BMP7: variants seen among roughly 807,000 people sequenced by gnomAD.
BMP7 encodes the protein bone morphogenetic protein 7.
BMP7 carries 12 observed loss-of-function variants against 41.2 expected under a neutral mutation model. That is an observed-to-expected ratio of 0.29 (90% CI 0.19 to 0.47). BMP7 has a LOEUF of 0.47. Ranked by LOEUF, BMP7 falls within the 20% of genes least tolerant of loss-of-function variation. The probability of loss-of-function intolerance (pLI) is 0.99; values close to 1 mark genes in which losing one functional copy is unlikely to be tolerated. For missense variants in BMP7, 467 were observed against 606.0 expected (o/e 0.77, Z 2.41); for synonymous variants, 248 against 250.0 (o/e 0.99, Z 0.07).
In BMP7 at chr20:57,170,657, G is replaced by A. The variant is rs1466970699; in HGVS notation, c.*302C>T. On this transcript the variant is annotated 3_prime_UTR_variant, in exon 7 of 7. Coordinates refer to ENST00000395863, the MANE Select transcript of BMP7 (RefSeq NM_001719.3). ...CATAATTACCTCTGGAAACGAGTCC[G>A]TGCATGGCTGAGACTTCCCAGCCAA... is the stretch of plus-strand genomic sequence containing the variant. 6 of 388,042 alleles carry A rather than the reference G, an allele frequency of 1.5e-5. No individual in the cohort carries two copies. The highest frequency in any genetic ancestry group is 1.5e-4 in the Admixed American group (4 of 27,326). The allele number at this position is 388,042 out of a possible 1,614,324, so 24.0% of individuals were successfully genotyped here. A position where few individuals can be genotyped will look rare whatever the true frequency, so the allele number is the denominator to read the frequency against.
At chr20:57,188,989 C>T (rs1010655589) in intron 3 of BMP7, among the ~76,000 whole-genome samples, 4 of 152,228 alleles carry the variant, frequency 2.6e-5, no homozygotes, top group Admixed American at 6.5e-5. Context: ...GCCTCCCTTC[C>T]GTCTGGGTTT....
chr20:57,233,968 T>C (rs2066038243), intron 1 of BMP7, among the ~76,000 whole-genome samples: 1 of 152,238 alleles, frequency 6.6e-6, no homozygotes, highest in African/African-American at 2.4e-5. Flanking sequence ...GATATATTTC[T>C]CCTGCTTCCT....
At chr20:57,210,552 C>G (rs1984854994) in intron 2 of BMP7, among the ~76,000 whole-genome samples, 1 of 152,216 alleles carries the variant, frequency 6.6e-6, no homozygotes, top group Non-Finnish European at 1.5e-5. Flanking sequence ...GATGCAGGAC[C>G]CGGCCTCAGC....
intron 1 of BMP7, among the ~76,000 whole-genome samples, chr20:57,246,779 G>A (rs1007849988): frequency 1.3e-5 from 2 of 152,092 alleles, no homozygotes; most frequent in Non-Finnish European, 2.9e-5. Context: ...ACCTGAGGTT[G>A]GGAGTTCAAG....
chr20:57,258,770 C>T (rs1243804613), intron 1 of BMP7, among the ~76,000 whole-genome samples: 2 of 152,176 alleles, frequency 1.3e-5, no homozygotes, highest in Non-Finnish European at 2.9e-5. Context: ...TATTCACACT[C>T]TGGGGACCAT....
At chr20:57,184,130 C>A (rs767466187) in intron 3 of BMP7, among the ~76,000 whole-genome samples, 1 of 152,154 alleles carries the variant, frequency 6.6e-6, no homozygotes, top group Non-Finnish European at 1.5e-5. Context: ...ATCCTGTTCT[C>A]TGGGTTTCCA....
chr20:57,219,571 G>A (rs921435545), intron 2 of BMP7, among the ~76,000 whole-genome samples: 13 of 152,148 alleles, frequency 8.5e-5, no homozygotes, highest in African/African-American at 2.9e-4. Flanking sequence ...ACTATGCCCA[G>A]GATGGCCCTT....
At chr20:57,191,296 A>G (rs572560389) in intron 3 of BMP7, among the ~76,000 whole-genome samples, 11 of 152,280 alleles carry the variant, frequency 7.2e-5, no homozygotes, top group African/African-American at 1.7e-4. Context: ...GGGGTGCTCC[A>G]GAGGCAAGAC....
chr20:57,170,431 A>C lies in BMP7; in HGVS notation c.*528T>G, dbSNP rs575149331. ...CACTTGACACAGCTTCTGTTTACGC[A>C]TCAGGATAAACCGAGAAATGGGGAT... is the stretch of plus-strand genomic sequence containing the variant. On this transcript the variant is annotated 3_prime_UTR_variant, in exon 7 of 7. Transcript: ENST00000395863. 279 of 222,038 alleles carry C rather than the reference A, an allele frequency of 1.3e-3. No homozygotes were observed. Among genetic ancestry groups the C allele is most frequent in the Non-Finnish European group, 2.1e-3 (236 of 110,676 alleles). 13.8% of individuals were successfully genotyped at this position (222,038 alleles called of 1,614,324 possible). A position where few individuals can be genotyped will look rare whatever the true frequency, so the allele number is the denominator to read the frequency against.
rs886188009 is a variant in BMP7 at position 57,171,363 on chromosome 20, G to A, written c.1147-255C>T. On this transcript the variant is annotated intron_variant, in intron 6 of 6. Transcript: ENST00000395863. The surrounding 1 kb of genome is among the most constrained non-coding windows in gnomAD (Gnocchi z 4.5). ...AGTGGGGAAGGAAGGGGCCAGATCC[G>A]ACATTCAGGACCAGGTAATTCTCTG... Among the ~76,000 whole-genome samples, 2 of 152,186 alleles carry A rather than the reference G, an allele frequency of 1.3e-5. No homozygotes were observed. The highest frequency in any genetic ancestry group is 6.5e-5 in the Admixed American group (1 of 15,284).
At chr20:57,233,465 GC>G (rs977536684) in intron 1 of BMP7, among the ~76,000 whole-genome samples, 1 of 152,216 alleles carries the variant, frequency 6.6e-6, no homozygotes, top group Non-Finnish European at 1.5e-5. Flanking sequence ...CCCAAAACCA[GC>G]CCTAAGAGGG....
Position 57,171,240 on chromosome 20 carries a change from A to G in BMP7, c.1147-132T>C, listed in dbSNP as rs987461716. 3.8e-6 allele frequency: 5 copies of G among 1,308,902 alleles called. No homozygotes were observed. The Admixed American group carries it at 5.8e-5, about 15-fold the overall frequency. The allele number at this position is 1,308,902 out of a possible 1,614,324, so 81.1% of individuals were successfully genotyped here. A position where few individuals can be genotyped will look rare whatever the true frequency, so the allele number is the denominator to read the frequency against. ...GCAGGTGACACTCCCCAAGCCAAGC[A>G]CTCCCTGTTCTAAGCACTTTACATG... On this transcript the variant is annotated intron_variant, in intron 6 of 6. Transcript: ENST00000395863. This position sits in a 1 kb window ranked among gnomAD's most constrained non-coding sequence, Gnocchi z 4.5.
chr20:57,258,933 G>C (rs2066144033), intron 1 of BMP7, among the ~76,000 whole-genome samples: 1 of 152,128 alleles, frequency 6.6e-6, no homozygotes, highest in South Asian at 2.1e-4. Flanking sequence ...CACCTACTAG[G>C]TGACAGCCTC....
At chr20:57,249,513 C>G (rs1269600332) in intron 1 of BMP7, among the ~76,000 whole-genome samples, 1 of 152,102 alleles carries the variant, frequency 6.6e-6, no homozygotes, top group Non-Finnish European at 1.5e-5. Context: ...TTTAGCCTAC[C>G]CCTGATGCAG....
At chr20:57,255,794 C>CT (rs1315521664) in intron 1 of BMP7, among the ~76,000 whole-genome samples, 4 of 69,288 alleles carry the variant, frequency 5.8e-5, no homozygotes, top group Non-Finnish European at 7.1e-5. Flanking sequence ...CGAGAGACTC[C>CT]ATCTCAAAAA....
chr20:57,241,727 G>C (rs562676831), intron 1 of BMP7, among the ~76,000 whole-genome samples: 77 of 152,296 alleles, frequency 5.1e-4, no homozygotes, highest in African/African-American at 1.8e-3. Context: ...CATGAGCCCT[G>C]AGCCTGCAGC....
At chr20:57,242,158 C>T (rs1489977010) in intron 1 of BMP7, among the ~76,000 whole-genome samples, 2 of 152,174 alleles carry the variant, frequency 1.3e-5, no homozygotes, top group Non-Finnish European at 2.9e-5. Context: ...TTTGTCCTCC[C>T]CTCACTCCCA....
At chr20:57,262,803 A>G (rs2066159264) in intron 1 of BMP7, among the ~76,000 whole-genome samples, 1 of 152,212 alleles carries the variant, frequency 6.6e-6, no homozygotes, top group South Asian at 2.1e-4. Context: ...TCTTATGTAA[A>G]TTGTGAGAAT....
chr20:57,193,157 C>A (rs1271143782), intron 3 of BMP7, among the ~76,000 whole-genome samples: 1 of 152,170 alleles, frequency 6.6e-6, no homozygotes, highest in African/African-American at 2.4e-5. Context: ...TTGGTATGCC[C>A]ATCTGTAAGC....
Sources: gnomAD v4.1 joint callset for allele counts (sites outside exome capture counted in the v4.1 genomes callset) on GRCh38, gnomAD v4.1.1 for gene constraint, Gnocchi (gnomAD v3.1) non-coding constraint, MANE v1.5 for transcripts, NCBI Gene and HGNC (gene_info 2026-07-23, HGNC 2026-07-21) for gene names.